Variants in SPTLC2 observed in about 807,000 individuals in gnomAD.
SPTLC2 encodes serine palmitoyltransferase long chain base subunit 2.
SPTLC2 carries 21 observed loss-of-function variants against 62.0 expected under a neutral mutation model. The ratio of observed to expected loss-of-function variants is 0.34; its 90% CI spans 0.24 to 0.49. The LOEUF is 0.49. Among genes scored for constraint, SPTLC2 ranks in the 20% least tolerant of loss-of-function variants. The pLI is 0.99. For synonymous variants in SPTLC2, 261 were observed against 261.8 expected, an observed-to-expected ratio of 1.00 and a Z score of 0.03; for missense variants, 511 against 713.0, an observed-to-expected ratio of 0.72 and a Z score of 3.23.
intron 10 of SPTLC2, among the ~76,000 whole-genome samples, chr14:77,521,219 A>G (rs1366823491): frequency 6.6e-6 from 1 of 152,218 alleles, no homozygotes; most frequent in African/African-American, 2.4e-5. Context: ...TCACTGATCT[A>G]TCCCAGGCCC....
chr14:77,588,063 T>C (rs1298486716), intron 2 of SPTLC2, among the ~76,000 whole-genome samples: 4 of 152,054 alleles, frequency 2.6e-5, no homozygotes, highest in African/African-American at 4.8e-5. Context: ...GCCTCTCAAG[T>C]AGCCAGGACT....
intron 1 of SPTLC2, among the ~76,000 whole-genome samples, chr14:77,597,644 C>T (rs2079854737): frequency 6.6e-6 from 1 of 151,296 alleles, no homozygotes; most frequent in South Asian, 2.1e-4. Context: ...ATTGGTGGTG[C>T]ACACCTCTAA....
chr14:77,586,677 T>C (rs2079783417), intron 2 of SPTLC2, among the ~76,000 whole-genome samples: 2 of 152,202 alleles, frequency 1.3e-5, no homozygotes, highest in South Asian at 2.1e-4. Flanking sequence ...AAAATACTTG[T>C]AGGATACATA....
intron 1 of SPTLC2, among the ~76,000 whole-genome samples, chr14:77,607,247 T>C (rs1391467439): frequency 2.6e-5 from 4 of 152,190 alleles, no homozygotes; most frequent in African/African-American, 9.6e-5. Flanking sequence ...TCCTCCTCAT[T>C]TGACTGACAA....
chr14:77,573,878 C>T (rs973168895), intron 4 of SPTLC2, among the ~76,000 whole-genome samples: 1 of 152,142 alleles, frequency 6.6e-6, no homozygotes, highest in Non-Finnish European at 1.5e-5. Flanking sequence ...GTGATCTGCC[C>T]GCCTTGGCCT....
At chr14:77,521,055 C>T (rs2079382687) in intron 10 of SPTLC2, among the ~76,000 whole-genome samples, 1 of 152,248 alleles carries the variant, frequency 6.6e-6, no homozygotes, top group Non-Finnish European at 1.5e-5. Context: ...CCACAGGGCA[C>T]TCTCAACTCC....
At position 77,570,158 on chromosome 14, in the gene SPTLC2, G is replaced by C. The variant is rs937155703; in HGVS notation, c.756+226C>G. 2.2e-4 allele frequency among the ~76,000 whole-genome samples: 32 copies of C among 148,428 alleles called. 1 individual carries two copies. Among genetic ancestry groups the C allele is most frequent in the Non-Finnish European group, 4.4e-5 (3 of 67,586 alleles). The stretch of plus-strand genomic sequence containing the variant: ...GAATCGCTTGAATCCAAGAGACAGA[G>C]GCTGCAGTGAGCTGAGATGGTGCCA... On this transcript the variant is annotated intron_variant, in intron 5 of 11. Coordinates refer to ENST00000216484, the MANE Select transcript of SPTLC2 (RefSeq NM_004863.4).
intron 9 of SPTLC2, among the ~76,000 whole-genome samples, chr14:77,534,270 T>C (rs566701721): frequency 1.3e-5 from 2 of 151,624 alleles, no homozygotes; most frequent in African/African-American, 4.8e-5. Flanking sequence ...TTTGTTCCAC[T>C]TCATATTATT....
intron 11 of SPTLC2, among the ~76,000 whole-genome samples, chr14:77,517,036 C>A (rs1028830521): frequency 6.6e-6 from 1 of 152,156 alleles, no homozygotes. Context: ...CACCTGAGGT[C>A]GGGAGTTCGA....
chr14:77,599,726 T>C (rs2079867096), intron 1 of SPTLC2, among the ~76,000 whole-genome samples: 1 of 152,258 alleles, frequency 6.6e-6, no homozygotes, highest in African/African-American at 2.4e-5. Context: ...GGAGTAAGAC[T>C]GTAATGTGTT....
At chr14:77,590,687 G>A (rs1724839390) in intron 2 of SPTLC2, among the ~76,000 whole-genome samples, 1 of 152,102 alleles carries the variant, frequency 6.6e-6, no homozygotes, top group Non-Finnish European at 1.5e-5. Flanking sequence ...ACTCCAGCCT[G>A]GGCAACAGAG....
intron 1 of SPTLC2, among the ~76,000 whole-genome samples, chr14:77,603,970 C>A (rs17825014): frequency 6.6e-6 from 1 of 152,190 alleles, no homozygotes; most frequent in Admixed American, 6.5e-5. Context: ...ACTGCTGACA[C>A]GTTCTGAGCC....
Position 77,529,620 on chromosome 14 carries a change from C to CT in SPTLC2, c.1304-8040dup, listed in dbSNP as rs71452856. Among the ~76,000 whole-genome samples, 433 of 76,060 alleles carry CT rather than the reference C, an allele frequency of 5.7e-3. 9 individuals are homozygous for CT. The highest frequency in any genetic ancestry group is 0.015 in the Middle Eastern group (2 of 134). 49.9% of individuals were successfully genotyped at this position (76,060 alleles called of 152,430 possible). On this transcript the variant is annotated intron_variant, in intron 9 of 11. Transcript: ENST00000216484. The stretch of plus-strand genomic sequence containing the variant: ...TTCTAGGAAAGCAATTTCTTTCTTT[C>CT]TTTTTTTTTTTTTTTTTTTTTTGAG...
At position 77,593,366 on chromosome 14, in the gene SPTLC2, C is replaced by G. The variant is rs562666098; in HGVS notation, c.327+3820G>C. ...TTATGTTGTGTCAGCTGGTCTCAAA[C>G]TCCTGGCCTTGAGTGATCCTCCTGC... On this transcript the variant is annotated intron_variant, in intron 2 of 11. Coordinates refer to ENST00000216484, the MANE Select transcript of SPTLC2 (RefSeq NM_004863.4). 3.9e-5 allele frequency among the ~76,000 whole-genome samples: 6 copies of G among 152,272 alleles called. No homozygotes were observed. The South Asian group carries it at 1.2e-3, about 32-fold the overall frequency.
chr14:77,554,980 T>C, intron 8 of SPTLC2: 2 of 378,396 alleles, frequency 5.3e-6, no homozygotes, highest in Non-Finnish European at 1.0e-5. Flanking sequence ...TTTTTGAAAC[T>C]GTGAGCACAA....
chr14:77,531,373 T>C (rs903342231), intron 9 of SPTLC2, among the ~76,000 whole-genome samples: 4 of 151,764 alleles, frequency 2.6e-5, no homozygotes, highest in Non-Finnish European at 5.9e-5. Context: ...TGGTTGACTG[T>C]TCTCTACCAT....
At chr14:77,598,747 A>G (rs1179591478) in intron 1 of SPTLC2, among the ~76,000 whole-genome samples, 1 of 152,170 alleles carries the variant, frequency 6.6e-6, no homozygotes, top group Non-Finnish European at 1.5e-5. Flanking sequence ...GCCTGGGCAC[A>G]TGGCAAAATC....
intron 11 of SPTLC2, among the ~76,000 whole-genome samples, chr14:77,514,285 A>G (rs563130251): frequency 6.6e-6 from 1 of 152,222 alleles, no homozygotes; most frequent in African/African-American, 2.4e-5. Flanking sequence ...TAGAAAAGTA[A>G]TCATTAGATA....
At chr14:77,591,540 G>A (rs1391966620) in intron 2 of SPTLC2, among the ~76,000 whole-genome samples, 1 of 152,026 alleles carries the variant, frequency 6.6e-6, no homozygotes, top group East Asian at 1.9e-4. Context: ...ACAAAACAAT[G>A]AAATACAGTG....
Sources: gnomAD v4.1 joint callset for allele counts (sites outside exome capture counted in the v4.1 genomes callset) on GRCh38, gnomAD v4.1.1 for gene constraint, MANE v1.5 for transcripts, NCBI Gene and HGNC (gene_info 2026-07-23, HGNC 2026-07-21) for gene names.